SPDEF: variants seen among roughly 807,000 people sequenced by gnomAD.
SPDEF encodes the protein SAM pointed domain-containing Ets transcription factor.
In SPDEF, 12 loss-of-function variants were observed where a neutral mutation model predicts 36.0. That is an observed-to-expected ratio of 0.33 (90% CI 0.21 to 0.54). The LOEUF (loss-of-function observed/expected upper bound fraction) is 0.54, where lower values mean the gene tolerates loss of function less well. Among genes scored for constraint, SPDEF ranks in the 20% least tolerant of loss-of-function variants. The pLI, the probability that SPDEF is intolerant of heterozygous loss-of-function variation, is 0.93. For missense variants in SPDEF, 388 were observed against 456.9 expected (o/e 0.85, Z 1.37); for synonymous variants, 205 against 193.0 (o/e 1.06, Z -0.51).
At chr6:34,540,021 C>T (rs1767784048) in intron 3 of SPDEF, among the ~76,000 whole-genome samples, 1 of 152,138 alleles carries the variant, frequency 6.6e-6, no homozygotes, top group Admixed American at 6.5e-5. Context: ...TTAGGGCAGG[C>T]CGGGCGTGGA....
chr6:34,545,292 A>G (rs756753359), intron 1 of SPDEF, among the ~76,000 whole-genome samples: 55 of 152,350 alleles, frequency 3.6e-4, no homozygotes, highest in Non-Finnish European at 6.5e-4. Flanking sequence ...AGGCAGTGCC[A>G]CATGCCAGGC....
At chr6:34,547,497 C>G (rs1275667257) in intron 1 of SPDEF, among the ~76,000 whole-genome samples, 3 of 152,130 alleles carry the variant, frequency 2.0e-5, no homozygotes, top group South Asian at 2.1e-4. Context: ...TCCCAAGTAG[C>G]TGGGACTACA....
rs941793459 is a variant in SPDEF, at chr6:34,544,686, G to T, written c.-29-202C>A. ...GAAAGACAGCGAGGTGGGAGTGGGT[G>T]CAGGACTAGAAATAGATCGCTCCCT... On this transcript the variant is annotated intron_variant, in intron 1 of 5. Transcript: ENST00000374037. The surrounding 1 kb of genome is among the most constrained non-coding windows in gnomAD (Gnocchi z 4.4). 6.6e-6 allele frequency among the ~76,000 whole-genome samples: 1 copy of T among 152,188 alleles called. No individual in the cohort carries two copies. Among genetic ancestry groups the T allele is most frequent in the Non-Finnish European group, 1.5e-5 (1 of 68,024 alleles).
intron 1 of SPDEF, among the ~76,000 whole-genome samples, chr6:34,549,448 C>A (rs554239579): frequency 6.6e-6 from 1 of 152,164 alleles, no homozygotes; most frequent in African/African-American, 2.4e-5. Flanking sequence ...TACTCTCACC[C>A]CTCGGGGCTA....
intron 1 of SPDEF, among the ~76,000 whole-genome samples, chr6:34,548,450 C>G (rs1029706347): frequency 6.6e-6 from 1 of 152,202 alleles, no homozygotes; most frequent in Non-Finnish European, 1.5e-5. Flanking sequence ...GCTCAAGAAT[C>G]TCCCATGGCT....
intron 1 of SPDEF, among the ~76,000 whole-genome samples, chr6:34,553,195 C>T (rs1458801604): frequency 6.6e-6 from 1 of 152,208 alleles, no homozygotes; most frequent in Non-Finnish European, 1.5e-5. Flanking sequence ...CTGGAGGCCC[C>T]TTTCTACCCA....
rs1193387296 is a variant in SPDEF, at chr6:34,537,846, G to A, written c.*428C>T. The A allele has an allele frequency of 1.2e-5, 2 of 166,722 alleles. No homozygotes were observed. The highest frequency in any genetic ancestry group is 5.8e-5 in the Admixed American group (1 of 17,336). The allele number at this position is 166,722 out of a possible 1,614,324, so 10.3% of individuals were successfully genotyped here. On this transcript the variant is annotated 3_prime_UTR_variant, in exon 6 of 6. Coordinates refer to ENST00000374037, the MANE Select transcript of SPDEF (RefSeq NM_012391.3). Reference sequence around the variant, plus strand: ...ATTATCCATTCCCGGGGGCACTCCTGGCTGCCCAACTCAGGGGTGCAGATG... The same window carrying A: ...ATTATCCATTCCCGGGGGCACTCCTAGCTGCCCAACTCAGGGGTGCAGATG...
At chr6:34,546,010 A>G (rs112992854) in intron 1 of SPDEF, among the ~76,000 whole-genome samples, 1,874 of 152,294 alleles carry the variant, frequency 0.012, 44 homozygotes, top group East Asian at 0.096. Context: ...AATACAGAGA[A>G]CCAGTTAGGG....
Position 34,541,127 on chromosome 6 carries a change from T to C in SPDEF, c.491A>G (p.His164Arg), listed in dbSNP as rs1478020549. 1 of 1,609,936 alleles carries C rather than the reference T, an allele frequency of 6.2e-7. No individual in the cohort carries two copies. The highest frequency in any genetic ancestry group is 1.7e-5 in the Admixed American group (1 of 59,524). ...NVQKWLLWTE[H>R]QYRLPPMGKA... Reference sequence around the variant, plus strand: ...GCCCATGGGGGGCAGCCGGTATTGGTGCTCTGTCCACAGGAGCCACTTCTG... The same window carrying C: ...GCCCATGGGGGGCAGCCGGTATTGGCGCTCTGTCCACAGGAGCCACTTCTG... The change falls in exon 3 of 6, where the codon CAC (histidine) becomes CGC (arginine). Residue 164 changes from histidine (H) to arginine (R), a missense_variant. His to Arg is a conservative substitution (Grantham distance 29, BLOSUM62 0). This residue lies in a region of SPDEF where 308 missense variants were observed against 326.1 expected (regional missense o/e 0.94). Transcript: ENST00000374037.
chr6:34,546,037 A>G (rs373247091), intron 1 of SPDEF, among the ~76,000 whole-genome samples: 1 of 152,326 alleles, frequency 6.6e-6, no homozygotes, highest in African/African-American at 2.4e-5. Context: ...AAAGGAACAG[A>G]TAAACCTGTT....
intron 1 of SPDEF, among the ~76,000 whole-genome samples, chr6:34,550,851 C>T (rs1768044362): frequency 6.6e-6 from 1 of 152,188 alleles, no homozygotes; most frequent in African/African-American, 2.4e-5. Context: ...TGGTTTTTCT[C>T]TTCCCACAGT....
chr6:34,543,570 G>A (rs2127285838), intron 2 of SPDEF, among the ~76,000 whole-genome samples: 1 of 152,286 alleles, frequency 6.6e-6, no homozygotes, highest in Non-Finnish European at 1.5e-5. Flanking sequence ...GGAGGGGTCA[G>A]GGAAGGCCTC....
chr6:34,540,937 T>G, intron 3 of SPDEF, 47 bp downstream of exon 3: 1 of 1,570,328 alleles, frequency 6.4e-7, no homozygotes, highest in Non-Finnish European at 8.7e-7. Context: ...ATCCTGTCCC[T>G]GGCTTGGAGC....
chr6:34,551,191 C>G lies in SPDEF; in HGVS notation c.-30+4738G>C, dbSNP rs73407800. Among the ~76,000 whole-genome samples, 1,484 of 152,328 alleles carry G rather than the reference C, an allele frequency of 9.7e-3. 19 individuals are homozygous for G. Among genetic ancestry groups the G allele is most frequent in the African/African-American group, 0.032 (1,318 of 41,564 alleles). Reference sequence around the variant, plus strand: ...CATCTTCTAGCTCCTAAGGTTGCCCCTGTTGACCATCCCCTTTGCCTCTGC... The same window carrying G: ...CATCTTCTAGCTCCTAAGGTTGCCCGTGTTGACCATCCCCTTTGCCTCTGC... On this transcript the variant is annotated intron_variant, in intron 1 of 5. Transcript: ENST00000374037.
Position 34,538,424 on chromosome 6 carries a change from C to G in SPDEF, c.858G>C (p.Gln286His). The change falls in exon 6 of 6, where the codon CAG (glutamine) becomes CAC (histidine). Residue 286 changes from glutamine (Q) to histidine (H), a missense_variant. Gln to His is a conservative substitution (Grantham distance 24). Around this residue, in one of 2 missense-constraint regions of SPDEF, gnomAD observed 80 missense variants for 130.8 expected, o/e 0.61. Coordinates refer to ENST00000374037, the MANE Select transcript of SPDEF (RefSeq NM_012391.3). This position sits in a 1 kb window ranked among gnomAD's most constrained non-coding sequence, Gnocchi z 5.9. ...TGCGGATGCCCCACAGCCGGGCCAC[C>G]TGGGCTGAGTCCTCAATTTTGAAGA... Reference protein sequence around the residue: ...KGIFKIEDSAQVARLWGIRKN... With the variant: ...KGIFKIEDSAHVARLWGIRKN... 2 of 1,613,860 alleles carry G rather than the reference C, an allele frequency of 1.2e-6. No individual in the cohort carries two copies. The highest frequency in any genetic ancestry group is 1.7e-6 in the Non-Finnish European group (2 of 1,179,836).
chr6:34,539,663 T>G lies in SPDEF; in HGVS notation c.635-101A>C. 1 of 1,378,466 alleles carries G rather than the reference T, an allele frequency of 7.3e-7. No homozygotes were observed. The highest frequency in any genetic ancestry group is 1.0e-6 in the Non-Finnish European group (1 of 992,706). 85.4% of individuals were successfully genotyped at this position (1,378,466 alleles called of 1,614,324 possible). ...CTGTGGGGCCACAGGAGCCCCTCTG[T>G]GGCTGGGGGTTGCCCCTGTGGCTCC... On this transcript the variant is annotated intron_variant, in intron 3 of 5. Coordinates refer to ENST00000374037, the MANE Select transcript of SPDEF (RefSeq NM_012391.3). This position sits in a 1 kb window ranked among gnomAD's most constrained non-coding sequence, Gnocchi z 5.2.
rs143084951 is a variant in SPDEF at position 34,542,567 on chromosome 6, C to T, written c.437-1386G>A. Among the ~76,000 whole-genome samples the T allele has an allele frequency of 9.9e-3, 1,516 of 152,382 alleles. 13 individuals carry two copies. The highest frequency in any genetic ancestry group is 0.015 in the Non-Finnish European group (1,031 of 68,042). Reference sequence around the variant, plus strand: ...TGTTGTGTTCACCACTCAATTCCCCCGTCCTAGAATAAGGCTTGGCATATT... The same window carrying T: ...TGTTGTGTTCACCACTCAATTCCCCTGTCCTAGAATAAGGCTTGGCATATT... On this transcript the variant is annotated intron_variant, in intron 2 of 5. Coordinates refer to ENST00000374037, the MANE Select transcript of SPDEF (RefSeq NM_012391.3).
Position 34,544,357 on chromosome 6 carries a change from C to A in SPDEF, c.99G>T (p.Ala33=), listed in dbSNP as rs375799548. The A allele has an allele frequency of 1.2e-6, 2 of 1,603,312 alleles. No homozygotes were observed. Among genetic ancestry groups the A allele is most frequent in the African/African-American group, 2.7e-5 (2 of 74,864 alleles). ...VSRTGLEKAA[A]GAVGLERRDW... Reference sequence around the variant, plus strand: ...CCCGTCTCTCGAGACCCACTGCCCCCGCTGCCGCCTTCTCCAAGCCTGTCC... The same window carrying A: ...CCCGTCTCTCGAGACCCACTGCCCCAGCTGCCGCCTTCTCCAAGCCTGTCC... The change falls in exon 2 of 6, where the codon GCG becomes GCT. Residue 33 remains alanine (A), a synonymous_variant. Transcript: ENST00000374037. The surrounding 1 kb of genome is among the most constrained non-coding windows in gnomAD (Gnocchi z 4.4).
In SPDEF at chr6:34,555,583, G is replaced by GC. The variant is rs1768150382; in HGVS notation, c.-30+345dup. Among the ~76,000 whole-genome samples the GC allele has an allele frequency of 6.6e-6, 1 of 152,154 alleles. No individual in the cohort carries two copies. Among genetic ancestry groups the GC allele is most frequent in the South Asian group, 2.1e-4 (1 of 4,822 alleles). ...GCAGCAAGCCGCTTGTGTTTCTCCA[G>GC]CCAAGCAGAACTGGCTGGGTCTCAG... On this transcript the variant is annotated intron_variant, in intron 1 of 5. Transcript: ENST00000374037. This position sits in a 1 kb window ranked among gnomAD's most constrained non-coding sequence, Gnocchi z 5.2.
Sources: allele counts gnomAD v4.1 joint callset (sites outside exome capture counted in the v4.1 genomes callset), GRCh38; gene constraint gnomAD v4.1.1; regional missense constraint gnomAD v4.1.1; non-coding constraint Gnocchi (gnomAD v3.1); transcripts MANE v1.5; gene names NCBI Gene and HGNC (gene_info 2026-07-23, HGNC 2026-07-21).